Variants in ADAMTSL3 observed in about 807,000 individuals in gnomAD.
ADAMTSL3 encodes the protein ADAMTS like 3.
ADAMTSL3 carries 128 observed loss-of-function variants against 201.7 expected under a neutral mutation model. The observed-to-expected ratio is 0.63, with a 90% CI of 0.55 to 0.73. The LOEUF (loss-of-function observed/expected upper bound fraction) is 0.73, where lower values mean the gene tolerates loss of function less well. ADAMTSL3 is among the 30% of genes least tolerant of loss of function. The pLI is 0.00. For synonymous variants in ADAMTSL3, 738 were observed against 748.4 expected (o/e 0.99, Z 0.23); for missense variants, 1,990 against 2,119.6 (o/e 0.94, Z 1.20).
intron 15 of ADAMTSL3, among the ~76,000 whole-genome samples, chr15:83,902,077 C>T (rs985874185): frequency 1.3e-5 from 2 of 152,054 alleles, no homozygotes; most frequent in Non-Finnish European, 2.9e-5. Flanking sequence ...TGAGTTGTGC[C>T]GACTATATTT....
chr15:83,832,928 C>A (rs967117465), intron 6 of ADAMTSL3, among the ~76,000 whole-genome samples: 3 of 152,064 alleles, frequency 2.0e-5, no homozygotes, highest in Admixed American at 2.0e-4. Context: ...CTCTGCAGAC[C>A]AAGTTTGATT....
At chr15:83,785,856 CT>C (rs1567143699) in intron 4 of ADAMTSL3, among the ~76,000 whole-genome samples, 1 of 147,206 alleles carries the variant, frequency 6.8e-6, no homozygotes, top group Non-Finnish European at 1.5e-5. Flanking sequence ...AACTTTTTTT[CT>C]TTTTTTGAGA....
intron 6 of ADAMTSL3, among the ~76,000 whole-genome samples, chr15:83,834,820 A>T (rs1303696525): frequency 6.6e-6 from 1 of 152,228 alleles, no homozygotes; most frequent in Non-Finnish European, 1.5e-5. Flanking sequence ...TATTTAATAG[A>T]TGTTAATAAA....
intron 4 of ADAMTSL3, among the ~76,000 whole-genome samples, chr15:83,795,913 A>T (rs190061706): frequency 6.6e-6 from 1 of 152,314 alleles, no homozygotes; most frequent in East Asian, 1.9e-4. Flanking sequence ...TATGTAACAC[A>T]CAAGGAAATA....
intron 15 of ADAMTSL3, among the ~76,000 whole-genome samples, chr15:83,912,491 G>A (rs74365399): frequency 3.9e-5 from 6 of 152,188 alleles, no homozygotes; most frequent in Admixed American, 6.5e-5. Flanking sequence ...ATAATAATCC[G>A]GAATAAGAAT....
At chr15:83,740,378 C>T (rs1258287572) in intron 3 of ADAMTSL3, among the ~76,000 whole-genome samples, 1 of 152,160 alleles carries the variant, frequency 6.6e-6, no homozygotes, top group East Asian at 1.9e-4. Flanking sequence ...CACACCAAAT[C>T]TATCCATTTG....
intron 4 of ADAMTSL3, among the ~76,000 whole-genome samples, chr15:83,783,212 C>G (rs1000338371): frequency 1.1e-4 from 17 of 151,504 alleles, no homozygotes; most frequent in Admixed American, 1.1e-3. Context: ...TTTTAAAAGT[C>G]TGGGATGCAC....
chr15:83,801,679 T>A lies in ADAMTSL3; in HGVS notation c.318-2971T>A, dbSNP rs201294259. On this transcript the variant is annotated intron_variant, in intron 4 of 29. Transcript: ENST00000286744. ...ATATATATATATATATATATATATA[T>A]ATATATATATATATATGTATGTATG... Among the ~76,000 whole-genome samples, 9 of 62,936 alleles carry A rather than the reference T, an allele frequency of 1.4e-4. 2 individuals are homozygous for A. Among genetic ancestry groups the A allele is most frequent in the African/African-American group, 3.2e-4 (7 of 21,988 alleles). The allele number at this position is 62,936 out of a possible 152,430, so 41.3% of individuals were successfully genotyped here.
At chr15:83,936,791 C>T (rs1248909590) in intron 17 of ADAMTSL3, among the ~76,000 whole-genome samples, 1 of 150,940 alleles carries the variant, frequency 6.6e-6, no homozygotes, top group Non-Finnish European at 1.5e-5. Context: ...TATCTAGAAT[C>T]TGTAAGAAAC....
At chr15:83,835,253 G>C (rs1256969094) in intron 6 of ADAMTSL3, among the ~76,000 whole-genome samples, 1 of 115,812 alleles carries the variant, frequency 8.6e-6, no homozygotes, top group Non-Finnish European at 1.8e-5. Context: ...AAAAAAAAAA[G>C]TTGCTTATTG....
At chr15:83,717,105 TATA>T (rs2062030214) in intron 3 of ADAMTSL3, among the ~76,000 whole-genome samples, 1 of 152,162 alleles carries the variant, frequency 6.6e-6, no homozygotes, top group African/African-American at 2.4e-5. Flanking sequence ...CATGAAAAAT[TATA>T]ATACCTTGAG....
intron 3 of ADAMTSL3, among the ~76,000 whole-genome samples, chr15:83,725,131 C>T (rs1192677251): frequency 6.6e-6 from 1 of 152,168 alleles, no homozygotes; most frequent in Non-Finnish European, 1.5e-5. Flanking sequence ...AACCTCCATA[C>T]TGTTCTCCAT....
intron 10 of ADAMTSL3, among the ~76,000 whole-genome samples, chr15:83,889,846 G>A (rs1249520799): frequency 6.6e-6 from 1 of 152,174 alleles, no homozygotes; most frequent in African/African-American, 2.4e-5. Flanking sequence ...TTAGTCATCT[G>A]AGAAGAACCT....
intron 9 of ADAMTSL3, among the ~76,000 whole-genome samples, chr15:83,881,948 T>C (rs1193775153): frequency 6.6e-6 from 1 of 151,610 alleles, no homozygotes; most frequent in Admixed American, 6.6e-5. Flanking sequence ...GATCAGGAGA[T>C]CGAGACCATC....
intron 3 of ADAMTSL3, among the ~76,000 whole-genome samples, chr15:83,734,472 C>A (rs2062337338): frequency 6.6e-6 from 1 of 152,126 alleles, no homozygotes. Context: ...GCTAGGAAAG[C>A]CAGGGTTGGA....
chr15:83,709,490 C>T (rs2061902815), intron 3 of ADAMTSL3, among the ~76,000 whole-genome samples: 1 of 152,132 alleles, frequency 6.6e-6, no homozygotes, highest in Non-Finnish European at 1.5e-5. Flanking sequence ...TGTTCATAGG[C>T]AAACAGCTGG....
rs115997101 is a variant in ADAMTSL3, at chr15:83,899,587, A to C, written c.1616-60A>C. On this transcript the variant is annotated intron_variant, in intron 14 of 29. Transcript: ENST00000286744. The stretch of plus-strand genomic sequence containing the variant: ...AAATCTTCAGCCAATATGATCACCT[A>C]TCCAACTCCTTAATGATTAATAGTA... 1.3e-3 allele frequency: 1,971 copies of C among 1,519,520 alleles called. 22 individuals are homozygous for C. The African/African-American group carries it at 0.023, about 18-fold the overall frequency. 94.1% of individuals were successfully genotyped at this position (1,519,520 alleles called of 1,614,324 possible).
At chr15:83,673,490 T>C (rs562594854) in intron 2 of ADAMTSL3, among the ~76,000 whole-genome samples, 2 of 152,280 alleles carry the variant, frequency 1.3e-5, no homozygotes, top group South Asian at 2.1e-4. Flanking sequence ...GTTTTTTTTC[T>C]ATGCTGTCTG....
chr15:83,964,008 T>G (rs1226170841), intron 19 of ADAMTSL3, among the ~76,000 whole-genome samples: 1 of 151,974 alleles, frequency 6.6e-6, no homozygotes, highest in African/African-American at 2.4e-5. Flanking sequence ...GAAACCCCAC[T>G]TGAAGGTCAT....
Sources: allele counts gnomAD v4.1 joint callset (sites outside exome capture counted in the v4.1 genomes callset), GRCh38; gene constraint gnomAD v4.1.1; transcripts MANE v1.5; gene names NCBI Gene and HGNC (gene_info 2026-07-23, HGNC 2026-07-21).